PRUNE1: variants seen among roughly 807,000 people sequenced by gnomAD.
The protein encoded by PRUNE1 is prune exopolyphosphatase 1.
In PRUNE1, 25 loss-of-function variants were observed where a neutral mutation model predicts 42.5. That is an observed-to-expected ratio of 0.59 (90% confidence interval 0.43 to 0.82). The LOEUF is 0.82. Ranked by LOEUF, PRUNE1 falls within the 40% of genes least tolerant of loss-of-function variation. PRUNE1 has a pLI of 0.00. For synonymous variants in PRUNE1, 203 were observed against 217.1 expected (o/e 0.93, Z 0.57); for missense variants, 443 against 539.3 (o/e 0.82, Z 1.77).
chr1:151,026,329 G>GCACA (rs1317423964), intron 5 of PRUNE1, among the ~76,000 whole-genome samples: 4 of 151,918 alleles, frequency 2.6e-5, no homozygotes, highest in African/African-American at 9.7e-5. Context: ...GTGGTGGTGT[G>GCACA]TGCCTGTAAT....
intron 6 of PRUNE1, among the ~76,000 whole-genome samples, chr1:151,027,756 GT>G (rs1459899757): frequency 2.2e-5 from 3 of 134,830 alleles, no homozygotes; most frequent in African/African-American, 3.6e-5. Context: ...TAGTGTGTGT[GT>G]GTGTGTGTGT....
At position 151,020,719 on chromosome 1, in the gene PRUNE1, T is replaced by C. The variant is rs587723701; in HGVS notation, c.335+2050T>C. Among the ~76,000 whole-genome samples the C allele has an allele frequency of 9.9e-5, 15 of 151,888 alleles. No individual in the cohort carries two copies. The South Asian group carries it at 1.7e-3, about 17-fold the overall frequency. ...ATCTCAGGCCAGGCGCGGTGGCTCATGCCTGTAATCCCAGCACTTTGGGAG... is the reference window on the plus strand; with the variant it reads ...ATCTCAGGCCAGGCGCGGTGGCTCACGCCTGTAATCCCAGCACTTTGGGAG... On this transcript the variant is annotated intron_variant, in intron 3 of 7. Coordinates refer to ENST00000271620, the MANE Select transcript of PRUNE1 (RefSeq NM_021222.3).
intron 1 of PRUNE1, among the ~76,000 whole-genome samples, chr1:151,010,823 G>A (rs1299076495): frequency 1.3e-5 from 2 of 151,978 alleles, no homozygotes; most frequent in African/African-American, 4.8e-5. Flanking sequence ...GCCTGGCTAA[G>A]TTTTGTATTT....
Position 151,018,161 on chromosome 1 carries a change from G to A in PRUNE1, c.132+257G>A, listed in dbSNP as rs112728019. ...TTCAAACAGTTTATTACTGAGTTCC[G>A]TATAGGTATCAGTGATCTAGTGTGT... On this transcript the variant is annotated intron_variant, in intron 2 of 7. Coordinates refer to ENST00000271620, the MANE Select transcript of PRUNE1 (RefSeq NM_021222.3). Among the ~76,000 whole-genome samples the A allele has an allele frequency of 6.4e-4, 98 of 152,172 alleles. 2 individuals carry two copies. The highest frequency in any genetic ancestry group is 1.1e-3 in the Non-Finnish European group (78 of 68,016).
Position 151,028,958 on chromosome 1 carries a change from C to T in PRUNE1, c.933+14C>T. The T allele has an allele frequency of 6.2e-7, 1 of 1,602,936 alleles. No homozygotes were observed. On this transcript the variant is annotated intron_variant, in intron 7 of 7. Coordinates refer to ENST00000271620, the MANE Select transcript of PRUNE1 (RefSeq NM_021222.3). ...CTCCAAACAACGGTGAGTCTGTGTC[C>T]CTTCTCCAACCTAAGAGCCTTACAG...
chr1:151,024,845 G>A (rs1303882218), intron 4 of PRUNE1, 50 bp downstream of exon 4: 6 of 1,534,190 alleles, frequency 3.9e-6, no homozygotes, highest in Non-Finnish European at 5.3e-6. Flanking sequence ...TCCTGTCCCT[G>A]AGAAGGGAGG....
Position 151,024,793 on chromosome 1 carries a change from A to C in PRUNE1, c.518A>C (p.His173Pro). ...ILDRQTAALL[H>P]GTIILDCVNM... The stretch of plus-strand genomic sequence containing the variant: ...GACAGGCAAACTGCAGCCCTTCTGC[A>C]TGGTAAGGGTGGCTTTTGGATTGGG... The change falls in exon 4 of 8, where the codon CAT (histidine) becomes CCT (proline). Residue 173 changes from histidine (H) to proline (P), a missense_variant and splice_region_variant. Coordinates refer to ENST00000271620, the MANE Select transcript of PRUNE1 (RefSeq NM_021222.3). 1 of 1,609,616 alleles carries C rather than the reference A, an allele frequency of 6.2e-7. No individual in the cohort carries two copies.
intron 4 of PRUNE1, 84 bp downstream of exon 4, chr1:151,024,879 G>A: frequency 7.2e-7 from 1 of 1,387,562 alleles, no homozygotes; most frequent in South Asian, 1.4e-5. Context: ...GACGCTTCCA[G>A]CCTAACCATA....
intron 3 of PRUNE1, 121 bp from the exon 4 acceptor site, chr1:151,024,490 C>T (rs1402016177): frequency 2.1e-5 from 20 of 950,790 alleles, no homozygotes; most frequent in Middle Eastern, 2.2e-4. Context: ...AGTGAAACTC[C>T]GTCTCAAAAA....
At chr1:151,024,903 A>G (rs1571800642) in intron 4 of PRUNE1, 108 bp downstream of exon 4, 3 of 1,136,324 alleles carry the variant, frequency 2.6e-6, no homozygotes, top group South Asian at 3.2e-5. Flanking sequence ...TCTCAGAGCC[A>G]TTCAGCTCAT....
intron 7 of PRUNE1, 91 bp downstream of exon 7, chr1:151,029,035 C>T: frequency 2.3e-6 from 3 of 1,295,520 alleles, no homozygotes; most frequent in Non-Finnish European, 3.2e-6. Flanking sequence ...AAGGACCTCT[C>T]TTAGGTTCTT....
rs750013811 is a variant in PRUNE1, at chr1:151,027,266, A to G, written c.713A>G (p.Gln238Arg). 50 of 1,611,598 alleles carry G rather than the reference A, an allele frequency of 3.1e-5. No individual in the cohort carries two copies. Among genetic ancestry groups the G allele is most frequent in the Middle Eastern group, 1.6e-4 (1 of 6,080 alleles). ...ACTGAGCAGATGCTGAGAAAAGACC[A>G]GAAGACTATCTATAGACAAGGCGTC... ...LTTEQMLRKD[Q>R]KTIYRQGVKV... is the part of the protein sequence containing the mutation. The change falls in exon 6 of 8, where the codon CAG becomes CGG. Residue 238 changes from glutamine (Q) to arginine (R), a missense_variant. Transcript: ENST00000271620.
intron 1 of PRUNE1, among the ~76,000 whole-genome samples, chr1:151,014,667 A>C (rs1436190147): frequency 1.3e-5 from 2 of 152,004 alleles, no homozygotes; most frequent in Admixed American, 1.3e-4. Flanking sequence ...ACTTTGCTAA[A>C]CTCTTGAGTC....
intron 3 of PRUNE1, among the ~76,000 whole-genome samples, chr1:151,022,523 A>G (rs868500269): frequency 6.7e-6 from 1 of 150,056 alleles, no homozygotes; most frequent in Admixed American, 6.6e-5. Context: ...GGTTCACGCC[A>G]TTCTCCTGCC....
chr1:151,025,549 TA>T lies in PRUNE1; in HGVS notation c.559del (p.Ile187LeufsTer15). 1 of 1,614,068 alleles carries T rather than the reference TA, an allele frequency of 6.2e-7. No individual in the cohort carries two copies. Among genetic ancestry groups the T allele is most frequent in the Non-Finnish European group, 8.5e-7 (1 of 1,179,980 alleles). On this transcript the variant is annotated frameshift_variant, in exon 5 of 8. Coordinates refer to ENST00000271620, the MANE Select transcript of PRUNE1 (RefSeq NM_021222.3). LOFTEE classifies it high-confidence loss of function. ...IILDCVNMDL[K>X]IGKATPKDSK... ...TCCTGGACTGTGTCAACATGGACCT[TA>T]AAATTGGAAAGGCAACCCCAAAGGA...
chr1:151,014,131 C>G (rs1673951882), intron 1 of PRUNE1, among the ~76,000 whole-genome samples: 1 of 152,178 alleles, frequency 6.6e-6, no homozygotes, highest in Non-Finnish European at 1.5e-5. Context: ...AGGCACCCGC[C>G]ACCACGCCTG....
At chr1:151,023,164 A>G (rs1674582185) in intron 3 of PRUNE1, among the ~76,000 whole-genome samples, 2 of 152,164 alleles carry the variant, frequency 1.3e-5, no homozygotes, top group African/African-American at 2.4e-5. Context: ...ATTTTAAATT[A>G]TATTCTGGGT....
At chr1:151,033,364 C>T (rs886688567) in intron 7 of PRUNE1, among the ~76,000 whole-genome samples, 1 of 150,724 alleles carries the variant, frequency 6.6e-6, no homozygotes, top group African/African-American at 2.4e-5. Context: ...GGATTACAGG[C>T]GTGAGCCACC....
intron 1 of PRUNE1, among the ~76,000 whole-genome samples, chr1:151,014,518 G>A (rs1673980796): frequency 6.6e-6 from 1 of 152,210 alleles, no homozygotes; most frequent in African/African-American, 2.4e-5. Flanking sequence ...TTTGAGCTGT[G>A]GCTTTCCAGT....
Sources: allele counts gnomAD v4.1 joint callset (sites outside exome capture counted in the v4.1 genomes callset), GRCh38; gene constraint gnomAD v4.1.1; transcripts MANE v1.5; gene names NCBI Gene and HGNC (gene_info 2026-07-23, HGNC 2026-07-21).